Variants in DOCK4 observed in about 807,000 individuals in gnomAD.
The protein encoded by DOCK4 is dedicator of cytokinesis 4.
Under a neutral mutation model 268.1 loss-of-function variants are expected in DOCK4, and 97 were observed. That is an observed-to-expected ratio of 0.36 (90% confidence interval 0.31 to 0.43). The LOEUF is 0.43. Among genes scored for constraint, DOCK4 ranks in the 20% least tolerant of loss-of-function variants. The pLI is 1.00. For missense variants in DOCK4, 2,145 were observed against 2,455.7 expected, an observed-to-expected ratio of 0.87 and a Z score of 2.67; for synonymous variants, 954 against 887.2, an observed-to-expected ratio of 1.08 and a Z score of -1.34.
At chr7:112,115,928 C>T (rs1309667925) in intron 1 of DOCK4, among the ~76,000 whole-genome samples, 1 of 152,204 alleles carries the variant, frequency 6.6e-6, no homozygotes, top group Admixed American at 6.5e-5. Flanking sequence ...ATCTTCCCAC[C>T]TTGGCCTCCC....
chr7:112,160,224 G>C (rs1408668228), intron 1 of DOCK4, among the ~76,000 whole-genome samples: 1 of 152,142 alleles, frequency 6.6e-6, no homozygotes, highest in Non-Finnish European at 1.5e-5. Flanking sequence ...TCTGTAAACA[G>C]AGGCTCCTGC....
chr7:111,730,551 A>AAGTT (rs1280818373), intron 52 of DOCK4, among the ~76,000 whole-genome samples: 1 of 152,132 alleles, frequency 6.6e-6, no homozygotes, highest in Non-Finnish European at 1.5e-5. Flanking sequence ...CCTCTGTCAA[A>AAGTT]AGTTAGACCT....
chr7:111,829,635 G>C (rs535580768), intron 26 of DOCK4, among the ~76,000 whole-genome samples: 6 of 152,154 alleles, frequency 3.9e-5, no homozygotes, highest in Non-Finnish European at 8.8e-5. Context: ...TGTTTGTTGA[G>C]TCAACAATTG....
At chr7:111,971,886 TA>T in intron 8 of DOCK4, 1 of 215,810 alleles carries the variant, frequency 4.6e-6, no homozygotes, top group Non-Finnish European at 9.2e-6. Context: ...ATGTACTGTC[TA>T]ATGCCAACAT....
chr7:111,952,777 T>C (rs1796151620), intron 8 of DOCK4, among the ~76,000 whole-genome samples: 1 of 152,240 alleles, frequency 6.6e-6, no homozygotes, highest in Admixed American at 6.5e-5. Context: ...AGAAGAACAA[T>C]AACAACAGAG....
chr7:111,932,078 C>T (rs1316327943), intron 12 of DOCK4, among the ~76,000 whole-genome samples: 4 of 152,136 alleles, frequency 2.6e-5, no homozygotes, highest in Non-Finnish European at 5.9e-5. Flanking sequence ...AAATCAAAGC[C>T]TACCATTGAG....
chr7:111,944,911 G>A (rs1327190758), intron 9 of DOCK4, 40 bp from the exon 10 acceptor site: 1 of 1,584,996 alleles, frequency 6.3e-7, no homozygotes. Flanking sequence ...GAAGACATGA[G>A]CGGCACTTAA....
At chr7:111,820,613 G>C (rs1801901768) in intron 27 of DOCK4, 1 of 152,190 alleles carries the variant, frequency 6.6e-6, no homozygotes, top group African/African-American at 2.4e-5. Flanking sequence ...CGATGGGGCA[G>C]AGAGAGGCAG....
chr7:112,061,909 C>T, intron 1 of DOCK4, among the ~76,000 whole-genome samples: 1 of 152,114 alleles, frequency 6.6e-6, no homozygotes, highest in East Asian at 1.9e-4. Flanking sequence ...GTTTTATTGA[C>T]TGCTTAAACT....
At position 111,900,402 on chromosome 7, in the gene DOCK4, G is replaced by A. The variant is rs770518462; in HGVS notation, c.1452C>T (p.His484=). 1.7e-5 allele frequency: 28 copies of A among 1,613,396 alleles called. No individual in the cohort carries two copies. The highest frequency in any genetic ancestry group is 2.4e-5 in the Non-Finnish European group (28 of 1,179,760). Residue 484 remains histidine, a synonymous_variant, in exon 15 of 53, where the codon CAC becomes CAT. Transcript: ENST00000428084. ...AACAATGCCGAAACTCGAAGCGGAT[G>A]TGTGCACCCCGGAATTTATCCACAG... ...PIPVDKFRGA[H]IRFEFRHCST...
chr7:111,811,483 TTC>T (rs1448408346), intron 28 of DOCK4, among the ~76,000 whole-genome samples: 1 of 152,162 alleles, frequency 6.6e-6, no homozygotes, highest in African/African-American at 2.4e-5. Flanking sequence ...TTTCATTTTT[TTC>T]TTTTCATTAA....
chr7:111,767,396 C>G (rs1203136344), intron 37 of DOCK4, among the ~76,000 whole-genome samples: 1 of 151,572 alleles, frequency 6.6e-6, no homozygotes, highest in African/African-American at 2.4e-5. Flanking sequence ...CCAGCTAATT[C>G]TTGTATTTTT....
intron 41 of DOCK4, among the ~76,000 whole-genome samples, chr7:111,758,292 A>G (rs1472446803): frequency 6.6e-6 from 1 of 152,230 alleles, no homozygotes; most frequent in African/African-American, 2.4e-5. Flanking sequence ...ACATAAATGA[A>G]TAAGAGGACT....
chr7:112,128,552 T>TTC (rs1813482156), intron 1 of DOCK4, among the ~76,000 whole-genome samples: 1 of 151,516 alleles, frequency 6.6e-6, no homozygotes, highest in Admixed American at 6.6e-5. Flanking sequence ...CATGGGAGAC[T>TTC]TCATTTTGTT....
chr7:112,015,533 C>T (rs141663767), intron 1 of DOCK4, among the ~76,000 whole-genome samples: 2,370 of 152,218 alleles, frequency 0.016, 59 homozygotes, highest in African/African-American at 0.054. Context: ...GCTTGAGATC[C>T]AAGAACCCTC....
chr7:111,894,470 G>A (rs1235849524), intron 16 of DOCK4, among the ~76,000 whole-genome samples: 1 of 152,178 alleles, frequency 6.6e-6, no homozygotes, highest in African/African-American at 2.4e-5. Context: ...AATGGTAAGA[G>A]ATGTGTGCAG....
At chr7:112,073,570 G>T (rs1807796961) in intron 1 of DOCK4, among the ~76,000 whole-genome samples, 1 of 151,786 alleles carries the variant, frequency 6.6e-6, no homozygotes, top group Admixed American at 6.6e-5. Context: ...ATATTATTCA[G>T]CCATAAAAAA....
intron 1 of DOCK4, among the ~76,000 whole-genome samples, chr7:112,109,911 A>AT (rs1247524712): frequency 1.3e-5 from 2 of 148,488 alleles, no homozygotes; most frequent in East Asian, 1.9e-4. Context: ...CGCCCGGCTA[A>AT]TTTTTTTGTG....
intron 1 of DOCK4, among the ~76,000 whole-genome samples, chr7:112,008,710 T>C (rs143212570): frequency 6.6e-6 from 1 of 152,332 alleles, no homozygotes; most frequent in African/African-American, 2.4e-5. Flanking sequence ...TTAAGAATTA[T>C]TGGCCAGGCA....
Sources: gnomAD v4.1 joint callset for allele counts (sites outside exome capture counted in the v4.1 genomes callset) on GRCh38, gnomAD v4.1.1 for gene constraint, MANE v1.5 for transcripts, NCBI Gene and HGNC (gene_info 2026-07-23, HGNC 2026-07-21) for gene names.